Variants in PRR33 observed in about 807,000 individuals in gnomAD.
The protein encoded by PRR33 is proline rich 33, also known as proline-rich protein 33.
Under a neutral mutation model 0.5 loss-of-function variants are expected in PRR33, and 1 was observed. That is an observed-to-expected ratio of 2.18 (90% CI 0.77 to 10.34). PRR33 has a LOEUF of 10.34. Among genes scored for constraint, PRR33 ranks in the 30% most tolerant of loss-of-function variants. PRR33 has a pLI of 0.13. For synonymous variants in PRR33, 226 were observed against 110.0 expected, an observed-to-expected ratio of 2.06 and a Z score of -6.60; for missense variants, 552 against 251.8, an observed-to-expected ratio of 2.19 and a Z score of -8.07.
chr11:1,890,170 G>C, exon 1 of PRR33: 1 of 717,122 alleles, frequency 1.4e-6, no homozygotes, highest in Non-Finnish European at 2.6e-6. Context: ...AGAATCCTGC[G>C]CTGGGTGAGG....
the PRR33 span, among the ~76,000 whole-genome samples, chr11:1,915,139 C>CTGTGTA: frequency 7.0e-5 from 9 of 128,486 alleles, no homozygotes; most frequent in African/African-American, 1.8e-4. Context: ...GATGATGTTT[C>CTGTGTA]TGTGTGTGTG....
exon 1 of PRR33, chr11:1,890,822 G>C: frequency 1.7e-6 from 1 of 572,312 alleles, no homozygotes; most frequent in Admixed American, 3.0e-5. Flanking sequence ...CAGAGGCCGA[G>C]TCCCTCCAGG....
exon 1 of PRR33, chr11:1,891,003 A>G: frequency 5.9e-6 from 1 of 168,550 alleles, no homozygotes; most frequent in East Asian, 1.6e-4. Flanking sequence ...CTGCTGGCCA[A>G]GCCCAGGGCT....
In PRR33 at chr11:1,890,622, A is replaced by G. The variant is rs1589836998; in HGVS notation, c.-38T>C. The G allele has an allele frequency of 8.7e-6, 6 of 687,338 alleles. No individual in the cohort carries two copies. The East Asian group carries it at 1.6e-4, about 19-fold the overall frequency. 42.6% of individuals were successfully genotyped at this position (687,338 alleles called of 1,614,324 possible). On this transcript the variant is annotated 5_prime_UTR_variant, in exon 1 of 1. Transcript: ENST00000640310. Reference sequence around the variant, plus strand: ...GGGTGGGAGGGACAGTGGTCAGGCCAGCCCTCCTCCCTCCTGAGGTGGGAG... The same window carrying G: ...GGGTGGGAGGGACAGTGGTCAGGCCGGCCCTCCTCCCTCCTGAGGTGGGAG...
chr11:1,911,150 G>A, the PRR33 span, among the ~76,000 whole-genome samples: 3 of 152,112 alleles, frequency 2.0e-5, no homozygotes, highest in African/African-American at 2.4e-5. Flanking sequence ...TTGAACAAAT[G>A]TTCCTTGCTA....
chr11:1,890,819 C>T (rs749885256), exon 1 of PRR33: 33 of 571,978 alleles, frequency 5.8e-5, no homozygotes, highest in Non-Finnish European at 8.1e-5. Context: ...CCACAGAGGC[C>T]GAGTCCCTCC....
chr11:1,890,816 G>A (rs1415627630), exon 1 of PRR33: 1 of 576,468 alleles, frequency 1.7e-6, no homozygotes. Flanking sequence ...AGGCCACAGA[G>A]GCCGAGTCCC....
exon 1 of PRR33, chr11:1,888,884 C>T (rs1848864680): frequency 9.7e-6 from 4 of 410,702 alleles, no homozygotes; most frequent in Non-Finnish European, 1.3e-5. Flanking sequence ...TACATCCCGA[C>T]GCAGACCCCT....
the PRR33 span, among the ~76,000 whole-genome samples, chr11:1,911,716 C>T: frequency 2.0e-5 from 3 of 151,876 alleles, no homozygotes; most frequent in East Asian, 2.0e-4. Context: ...TCACTGCGCC[C>T]GGACCTCCCT....
At chr11:1,896,509 T>A (rs1272847345), upstream of PRR33, among the ~76,000 whole-genome samples, 1 of 152,274 alleles carries the variant, frequency 6.6e-6, no homozygotes, top group East Asian at 1.9e-4. Flanking sequence ...CACAACCTTG[T>A]TAATCTCACT....
At chr11:1,889,155 C>T (rs1848876901) in exon 1 of PRR33, 2 of 665,302 alleles carry the variant, frequency 3.0e-6, no homozygotes, top group Admixed American at 2.3e-5. Flanking sequence ...TCACTGGAGC[C>T]TCCAGCCAGT....
At chr11:1,913,449 G>A in the PRR33 span, among the ~76,000 whole-genome samples, 6 of 151,922 alleles carry the variant, frequency 3.9e-5, no homozygotes, top group East Asian at 7.7e-4. Context: ...CCCGGCCCCC[G>A]CTTTCTGATA....
chr11:1,903,063 T>G, the PRR33 span: 1 of 152,148 alleles, frequency 6.6e-6, no homozygotes, highest in African/African-American at 2.4e-5. Flanking sequence ...CAGCAAGGTT[T>G]TTATGACCTG....
chr11:1,892,461 G>A (rs1849039382), upstream of PRR33, among the ~76,000 whole-genome samples: 1 of 152,228 alleles, frequency 6.6e-6, no homozygotes, highest in Non-Finnish European at 1.5e-5. Flanking sequence ...CACACACAAT[G>A]GGTGGGGTCC....
At chr11:1,911,999 T>TAAAAAA in the PRR33 span, among the ~76,000 whole-genome samples, 1 of 26,996 alleles carries the variant, frequency 3.7e-5, no homozygotes, top group African/African-American at 1.4e-4. Context: ...ACCCCATCTC[T>TAAAAAA]AAAAAAAAAA....
upstream of PRR33, among the ~76,000 whole-genome samples, chr11:1,893,227 T>C (rs1003336255): frequency 7.3e-6 from 1 of 137,046 alleles, no homozygotes; most frequent in Non-Finnish European, 1.6e-5. Flanking sequence ...GATAAGCAGG[T>C]GAATGGATGG....
exon 1 of PRR33, chr11:1,889,236 G>C: frequency 3.0e-6 from 2 of 674,098 alleles, no homozygotes; most frequent in Non-Finnish European, 5.5e-6. Flanking sequence ...AGGGGGCCGG[G>C]TGGCCTCCTG....
upstream of PRR33, among the ~76,000 whole-genome samples, chr11:1,896,250 C>T (rs1298443390): frequency 6.6e-6 from 1 of 152,168 alleles, no homozygotes; most frequent in East Asian, 1.9e-4. Flanking sequence ...GGAGAGTTGA[C>T]ATCTTAACAG....
chr11:1,912,908 A>G, the PRR33 span, among the ~76,000 whole-genome samples: 1 of 151,302 alleles, frequency 6.6e-6, no homozygotes, highest in South Asian at 2.1e-4. Context: ...GCGCCCGGCC[A>G]ACACAGCAGC....
Sources: gnomAD v4.1 joint callset for allele counts (sites outside exome capture counted in the v4.1 genomes callset) on GRCh38, gnomAD v4.1.1 for gene constraint, MANE v1.5 for transcripts, NCBI Gene and HGNC (gene_info 2026-07-23, HGNC 2026-07-21) for gene names.